The following SPTLC3 variants were observed in gnomAD, a reference collection of about 807,000 sequenced individuals.
SPTLC3 encodes the protein serine palmitoyltransferase long chain base subunit 3, also known as serine palmitoyltransferase 3.
SPTLC3 carries 36 observed loss-of-function variants against 59.3 expected under a neutral mutation model. That is an observed-to-expected ratio of 0.61 (90% CI 0.47 to 0.80). SPTLC3 has a LOEUF of 0.80. Ranked by LOEUF, SPTLC3 falls within the 30% of genes least tolerant of loss-of-function variation. The probability of loss-of-function intolerance (pLI) is 0.00; values close to 1 mark genes in which losing one functional copy is unlikely to be tolerated. For missense variants in SPTLC3, 625 were observed against 685.1 expected (o/e 0.91, Z 0.98); for synonymous variants, 257 against 240.8 (o/e 1.07, Z -0.62).
At chr20:13,042,914 A>G (rs1267008957) in intron 1 of SPTLC3, among the ~76,000 whole-genome samples, 1 of 152,192 alleles carries the variant, frequency 6.6e-6, no homozygotes. Context: ...CTTTATTTCT[A>G]CTGTGAAGAT....
At chr20:13,162,085 T>C (rs2038905557) in intron 11 of SPTLC3, among the ~76,000 whole-genome samples, 1 of 152,196 alleles carries the variant, frequency 6.6e-6, no homozygotes, top group South Asian at 2.1e-4. Flanking sequence ...TGAAATGAGT[T>C]GGTGTTAAGA....
At chr20:13,067,757 A>C (rs1187640305) in intron 2 of SPTLC3, among the ~76,000 whole-genome samples, 1 of 152,204 alleles carries the variant, frequency 6.6e-6, no homozygotes, top group Non-Finnish European at 1.5e-5. Context: ...ACCAAAAGGA[A>C]AATATAAGCA....
chr20:13,139,581 C>G (rs1485608813), intron 9 of SPTLC3, among the ~76,000 whole-genome samples: 3 of 152,158 alleles, frequency 2.0e-5, no homozygotes, highest in Non-Finnish European at 4.4e-5. Context: ...AGGGCCATGG[C>G]TGGAAAGGCA....
In SPTLC3 at chr20:13,072,273, T is replaced by C. The variant is rs757907945; in HGVS notation, c.321T>C (p.Tyr107=). 18 of 1,613,486 alleles carry C rather than the reference T, an allele frequency of 1.1e-5. No individual in the cohort carries two copies. The highest frequency in any genetic ancestry group is 1.5e-5 in the Non-Finnish European group (18 of 1,179,754). ...TCTAACAGGATTTTGTGCCACTGTATCAAGACTTTGAAAATTTTTATACAA... is the reference window on the plus strand; with the variant it reads ...TCTAACAGGATTTTGTGCCACTGTACCAAGACTTTGAAAATTTTTATACAA... ...RKEQKDFVPL[Y]QDFENFYTRN... The change falls in exon 3 of 12, where the codon TAT becomes TAC. Residue 107 remains tyrosine, a synonymous_variant. Transcript: ENST00000399002.
chr20:13,049,035 T>C lies in SPTLC3; in HGVS notation c.208T>C (p.Tyr70His), dbSNP rs774240167. 3 of 1,613,830 alleles carry C rather than the reference T, an allele frequency of 1.9e-6. No individual in the cohort carries two copies. Among genetic ancestry groups the C allele is most frequent in the East Asian group, 2.2e-5 (1 of 44,852 alleles). The change falls in exon 2 of 12, where the codon TAT (tyrosine) becomes CAT (histidine). Residue 70 changes from tyrosine to histidine, a missense_variant. Transcript: ENST00000399002. Reference sequence around the variant, plus strand: ...TGTTATGGTTTTCACTTACATGGGATATGGAATTGGAACCCTGTTTGGCTA... The same window carrying C: ...TGTTATGGTTTTCACTTACATGGGACATGGAATTGGAACCCTGTTTGGCTA... ...LHVMVFTYMG[Y>H]GIGTLFGYLR... is the part of the protein sequence containing the mutation.
chr20:13,166,716 A>G lies in SPTLC3; in HGVS notation c.*1849A>G, dbSNP rs1054371766. 3 of 152,204 alleles carry G rather than the reference A, an allele frequency of 2.0e-5. No individual in the cohort carries two copies. Among genetic ancestry groups the G allele is most frequent in the Non-Finnish European group, 2.9e-5 (2 of 68,040 alleles). The allele number at this position is 152,204 out of a possible 1,614,324, so 9.4% of individuals were successfully genotyped here. On this transcript the variant is annotated 3_prime_UTR_variant, in exon 12 of 12. Coordinates refer to ENST00000399002, the MANE Select transcript of SPTLC3 (RefSeq NM_018327.4). ...AGGTCAAAAAGACAGCGAGATATCT[A>G]GTCCTTCCACAAGGTATGGAAAGCA...
At chr20:13,041,081 A>G (rs1442463418) in intron 1 of SPTLC3, among the ~76,000 whole-genome samples, 1 of 152,182 alleles carries the variant, frequency 6.6e-6, no homozygotes, top group Non-Finnish European at 1.5e-5. Context: ...GCCTTTATTC[A>G]AATGGATATC....
intron 6 of SPTLC3, among the ~76,000 whole-genome samples, chr20:13,094,946 A>G (rs2122637951): frequency 6.6e-6 from 1 of 152,180 alleles, no homozygotes; most frequent in East Asian, 1.9e-4. Flanking sequence ...TGCATCAAAC[A>G]CTCAATTTCG....
At chr20:13,126,751 CCTCT>C in intron 9 of SPTLC3, 34 bp downstream of exon 9, 2 of 1,611,486 alleles carry the variant, frequency 1.2e-6, no homozygotes, top group Non-Finnish European at 8.5e-7. Context: ...AGCTCCTGGA[CCTCT>C]CTGTCTCCCT....
chr20:13,149,819 C>T (rs948078120), intron 9 of SPTLC3, among the ~76,000 whole-genome samples: 2 of 152,146 alleles, frequency 1.3e-5, no homozygotes, highest in Non-Finnish European at 2.9e-5. Flanking sequence ...TAGGGACAGC[C>T]GGGGCCAATT....
At chr20:13,125,682 C>G (rs1023770553) in intron 8 of SPTLC3, among the ~76,000 whole-genome samples, 12 of 152,176 alleles carry the variant, frequency 7.9e-5, no homozygotes, top group African/African-American at 2.9e-4. Flanking sequence ...CTTCTCTGTT[C>G]CACATGGTTG....
At chr20:13,079,765 C>T in intron 4 of SPTLC3, 1 of 470,234 alleles carries the variant, frequency 2.1e-6, no homozygotes, top group South Asian at 1.6e-5. Flanking sequence ...TCACCTCATC[C>T]TGGCAGAATG....
chr20:13,019,570 CT>C (rs1238689438), intron 1 of SPTLC3, among the ~76,000 whole-genome samples: 1 of 152,130 alleles, frequency 6.6e-6, no homozygotes, highest in East Asian at 1.9e-4. Context: ...GTTTGAGGAA[CT>C]CTTATGACCA....
intron 2 of SPTLC3, among the ~76,000 whole-genome samples, chr20:13,068,056 C>T (rs1224877052): frequency 1.3e-5 from 2 of 152,110 alleles, no homozygotes; most frequent in Admixed American, 1.3e-4. Flanking sequence ...ATTAATAATT[C>T]CCATTTTGTC....
At chr20:13,121,139 G>T (rs2037856808) in intron 8 of SPTLC3, among the ~76,000 whole-genome samples, 1 of 152,210 alleles carries the variant, frequency 6.6e-6, no homozygotes, top group Admixed American at 6.5e-5. Context: ...CCCCAGGCAA[G>T]GATCTTGAGT....
intron 6 of SPTLC3, among the ~76,000 whole-genome samples, chr20:13,096,815 TA>T (rs1360091057): frequency 6.6e-6 from 1 of 152,130 alleles, no homozygotes; most frequent in Non-Finnish European, 1.5e-5. Context: ...TATATAAAAT[TA>T]AAACCATTGC....
intron 10 of SPTLC3, among the ~76,000 whole-genome samples, chr20:13,155,878 T>C (rs2038757736): frequency 6.6e-6 from 1 of 152,192 alleles, no homozygotes; most frequent in Admixed American, 6.5e-5. Flanking sequence ...TTCCCACCAG[T>C]TGGCCCTTTG....
At chr20:13,105,186 A>C (rs1004760256) in intron 6 of SPTLC3, among the ~76,000 whole-genome samples, 1 of 152,138 alleles carries the variant, frequency 6.6e-6, no homozygotes, top group African/African-American at 2.4e-5. Flanking sequence ...TGGGGCCAGA[A>C]TCCAGGCCGA....
intron 7 of SPTLC3, among the ~76,000 whole-genome samples, chr20:13,114,438 A>T (rs1446840245): frequency 6.6e-6 from 1 of 152,222 alleles, no homozygotes; most frequent in Non-Finnish European, 1.5e-5. Flanking sequence ...ATAACCTGGG[A>T]CATAAACTAG....
Sources: allele counts gnomAD v4.1 joint callset (sites outside exome capture counted in the v4.1 genomes callset), GRCh38; gene constraint gnomAD v4.1.1; transcripts MANE v1.5; gene names NCBI Gene and HGNC (gene_info 2026-07-23, HGNC 2026-07-21).